UTP3: variants seen among roughly 807,000 people sequenced by gnomAD.
UTP3 encodes something about silencing protein 10.
Under a neutral mutation model 37.9 loss-of-function variants are expected in UTP3, and 19 were observed. That is an observed-to-expected ratio of 0.50 (90% CI 0.35 to 0.74). The LOEUF is 0.74. Among genes scored for constraint, UTP3 ranks in the 30% least tolerant of loss-of-function variants. The pLI is 0.01. For synonymous variants in UTP3, 242 were observed against 218.5 expected, an observed-to-expected ratio of 1.11 and a Z score of -0.95; for missense variants, 504 against 570.7, an observed-to-expected ratio of 0.88 and a Z score of 1.19.
At position 70,689,474 on chromosome 4, in the gene UTP3, G is replaced by A. The variant is rs759280455; in HGVS notation, c.797G>A (p.Arg266Lys). 1.9e-6 allele frequency: 3 copies of A among 1,614,158 alleles called. No individual in the cohort carries two copies. Among genetic ancestry groups the A allele is most frequent in the Non-Finnish European group, 2.5e-6 (3 of 1,180,020 alleles). ...CCCGGAAAAGGAAGCCAATACTTGA[G>A]GACCAAGTACAACCTCTACTTGAAT... ...IPPGKGSQYLRTKYNLYLNYC... is the reference protein window; with the variant it reads ...IPPGKGSQYLKTKYNLYLNYC... The change falls in exon 1 of 1, where the codon AGG (arginine) becomes AAG (lysine). Residue 266 changes from arginine (R) to lysine (K), a missense_variant. Arg to Lys is a conservative substitution (Grantham distance 26, BLOSUM62 2). Coordinates refer to ENST00000254803, the MANE Select transcript of UTP3 (RefSeq NM_020368.3).
In UTP3 at chr4:70,688,983, G is replaced by A. The variant is rs759792100; in HGVS notation, c.306G>A (p.Glu102=). The change falls in exon 1 of 1, where the codon GAG becomes GAA. Residue 102 remains glutamate, a synonymous_variant. Coordinates refer to ENST00000254803, the MANE Select transcript of UTP3 (RefSeq NM_020368.3). ...DEDGGNAGEE[E]EEENADDDGG... ...ATGGAGGGAATGCGGGGGAGGAGGA[G>A]GAGGAGGAGAATGCCGATGATGATG... 6.3e-7 allele frequency: 1 copy of A among 1,598,020 alleles called. No individual in the cohort carries two copies. The highest frequency in any genetic ancestry group is 8.5e-7 in the Non-Finnish European group (1 of 1,170,730).
rs746663883 is a variant in UTP3 at position 70,688,911 on chromosome 4, G to A, written c.234G>A (p.Glu78=). 3 of 1,613,408 alleles carry A rather than the reference G, an allele frequency of 1.9e-6. No homozygotes were observed. The highest frequency in any genetic ancestry group is 3.3e-5 in the Admixed American group (2 of 59,944). The part of the protein sequence containing the change: ...QSGDEEDGEE[E]EEEVLALDMD... Reference sequence around the variant, plus strand: ...GAGACGAGGAGGATGGCGAGGAGGAGGAGGAGGAGGTGCTAGCCCTAGATA... The same window carrying A: ...GAGACGAGGAGGATGGCGAGGAGGAAGAGGAGGAGGTGCTAGCCCTAGATA... Residue 78 remains glutamate (E), a synonymous_variant, in exon 1 of 1, where the codon GAG becomes GAA. Coordinates refer to ENST00000254803, the MANE Select transcript of UTP3 (RefSeq NM_020368.3).
chr4:70,689,068 C>A lies in UTP3; in HGVS notation c.391C>A (p.Gln131Lys). The A allele has an allele frequency of 6.3e-7, 1 of 1,598,790 alleles. No homozygotes were observed. Among genetic ancestry groups the A allele is most frequent in the Non-Finnish European group, 8.5e-7 (1 of 1,172,138 alleles). Residue 131 changes from glutamine to lysine, a missense_variant, in exon 1 of 1, where the codon CAG becomes AAG. Transcript: ENST00000254803. The part of the protein sequence containing the change: ...ASVDPSLSWG[Q>K]RKKLYYDTDY... The stretch of plus-strand genomic sequence containing the variant: ...TGTGGATCCCAGTTTGTCGTGGGGT[C>A]AGAGGAAAAAACTTTACTATGACAC...
In UTP3 at chr4:70,688,546, A is replaced by T. The variant is rs1439961028; in HGVS notation, c.-132A>T. ...GAGGAAATTCCAGTAGCCGATCAGG[A>T]GTCTGCAAACTCCGGTGGTAGGGGA... On this transcript the variant is annotated 5_prime_UTR_variant, in exon 1 of 1. Transcript: ENST00000254803. 5.8e-6 allele frequency: 5 copies of T among 863,970 alleles called. No homozygotes were observed. The Admixed American group carries it at 1.4e-4, about 24-fold the overall frequency. The allele number at this position is 863,970 out of a possible 1,614,324, so 53.5% of individuals were successfully genotyped here. A position where few individuals can be genotyped will look rare whatever the true frequency, so the allele number is the denominator to read the frequency against.
At position 70,689,305 on chromosome 4, in the gene UTP3, G is replaced by C; in HGVS notation, c.628G>C (p.Val210Leu). The change falls in exon 1 of 1, where the codon GTT (valine) becomes CTT (leucine). Residue 210 changes from valine (V) to leucine (L), a missense_variant. Val to Leu is a conservative substitution (Grantham distance 32, BLOSUM62 1). Transcript: ENST00000254803. Reference protein sequence around the residue: ...ETRVVKDLAKVSVKEKLKMLR... With the variant: ...ETRVVKDLAKLSVKEKLKMLR... Reference sequence around the variant, plus strand: ...ACGGGTCGTGAAGGATTTGGCTAAAGTTTCAGTGAAAGAGAAGCTGAAAAT... The same window carrying C: ...ACGGGTCGTGAAGGATTTGGCTAAACTTTCAGTGAAAGAGAAGCTGAAAAT... 1 of 1,614,196 alleles carries C rather than the reference G, an allele frequency of 6.2e-7. No individual in the cohort carries two copies.
Position 70,689,228 on chromosome 4 carries a change from C to T in UTP3, c.551C>T (p.Ala184Val). 2 of 1,614,098 alleles carry T rather than the reference C, an allele frequency of 1.2e-6. No homozygotes were observed. Among genetic ancestry groups the T allele is most frequent in the Admixed American group, 3.3e-5 (2 of 60,012 alleles). ...QALQEDDFGVAWVEAFAKPVP... is the reference protein window; with the variant it reads ...QALQEDDFGVVWVEAFAKPVP... The stretch of plus-strand genomic sequence containing the variant: ...CTGCAAGAGGATGATTTTGGTGTCG[C>T]CTGGGTTGAGGCCTTTGCAAAACCA... Residue 184 changes from alanine to valine, a missense_variant, in exon 1 of 1, where the codon GCC (alanine) becomes GTC (valine). Ala to Val is a moderately conservative substitution (Grantham distance 64, BLOSUM62 0). Transcript: ENST00000254803.
rs761462360 is a variant in UTP3, at chr4:70,688,658, A to G, written c.-20A>G. 2.5e-6 allele frequency: 4 copies of G among 1,603,414 alleles called. No individual in the cohort carries two copies. The African/African-American group carries it at 5.4e-5, about 21-fold the overall frequency. ...GTGGCCGAAAGTCCGGAGTCGCTGT[A>G]AAACCTGAGATTGTGAGCCATGGTG... On this transcript the variant is annotated 5_prime_UTR_variant, in exon 1 of 1. Transcript: ENST00000254803.
chr4:70,689,050 C>A lies in UTP3; in HGVS notation c.373C>A (p.Pro125Thr). The A allele has an allele frequency of 6.3e-7, 1 of 1,589,970 alleles. No homozygotes were observed. Among genetic ancestry groups the A allele is most frequent in the Non-Finnish European group, 8.6e-7 (1 of 1,167,270 alleles). Residue 125 changes from proline to threonine, a missense_variant, in exon 1 of 1, where the codon CCC (proline) becomes ACC (threonine). Physicochemically the swap from Pro to Thr is conservative, Grantham distance 38 (BLOSUM62 -1). Coordinates refer to ENST00000254803, the MANE Select transcript of UTP3 (RefSeq NM_020368.3). The stretch of plus-strand genomic sequence containing the variant: ...AAGTGAAGCTGAGGCCTCTGTGGAT[C>A]CCAGTTTGTCGTGGGGTCAGAGGAA... ...VQSEAEASVDPSLSWGQRKKL... is the reference protein window; with the variant it reads ...VQSEAEASVDTSLSWGQRKKL...
At position 70,690,291 on chromosome 4, in the gene UTP3, T is replaced by C; in HGVS notation, c.*174T>C. The C allele has an allele frequency of 1.7e-6, 1 of 587,878 alleles. No homozygotes were observed. Among genetic ancestry groups the C allele is most frequent in the Non-Finnish European group, 2.6e-6 (1 of 385,866 alleles). The allele number at this position is 587,878 out of a possible 1,614,324, so 36.4% of individuals were successfully genotyped here. ...AACTATGGGAGCAATATGAAGGTGCTTGAGAAAAGAGATGATGTTGAAGTT... is the reference window on the plus strand; with the variant it reads ...AACTATGGGAGCAATATGAAGGTGCCTGAGAAAAGAGATGATGTTGAAGTT... On this transcript the variant is annotated 3_prime_UTR_variant, in exon 1 of 1. Coordinates refer to ENST00000254803, the MANE Select transcript of UTP3 (RefSeq NM_020368.3).
rs1468131459 is a variant in UTP3, at chr4:70,688,593, C to G, written c.-85C>G. The stretch of plus-strand genomic sequence containing the variant: ...GGGAGCGCGCTGCTGTTTAGAGCCA[C>G]GAGTTACCGGAGCGCCTGATTCCTG... On this transcript the variant is annotated 5_prime_UTR_variant, in exon 1 of 1. Coordinates refer to ENST00000254803, the MANE Select transcript of UTP3 (RefSeq NM_020368.3). 4.3e-6 allele frequency: 6 copies of G among 1,399,438 alleles called. No individual in the cohort carries two copies. The East Asian group carries it at 9.9e-5, about 23-fold the overall frequency. 86.7% of individuals were successfully genotyped at this position (1,399,438 alleles called of 1,614,324 possible).
At position 70,690,017 on chromosome 4, in the gene UTP3, G is replaced by T. The variant is rs756674563; in HGVS notation, c.1340G>T (p.Arg447Ile). The T allele has an allele frequency of 5.6e-6, 9 of 1,614,126 alleles. No homozygotes were observed. The highest frequency in any genetic ancestry group is 5.9e-6 in the Non-Finnish European group (7 of 1,180,022). ...REKFRRAKIR[R>I]RGQVREVRKE... ...AAGTTCAGAAGAGCCAAAATTAGAAGAAGAGGCCAGGTTCGTGAAGTTCGT... is the reference window on the plus strand; with the variant it reads ...AAGTTCAGAAGAGCCAAAATTAGAATAAGAGGCCAGGTTCGTGAAGTTCGT... Residue 447 changes from arginine to isoleucine, a missense_variant, in exon 1 of 1, where the codon AGA becomes ATA. Coordinates refer to ENST00000254803, the MANE Select transcript of UTP3 (RefSeq NM_020368.3).
rs867813044 is a variant in UTP3 at position 70,688,609 on chromosome 4, C to G, written c.-69C>G. The G allele has an allele frequency of 1.3e-6, 2 of 1,493,478 alleles. No homozygotes were observed. Among genetic ancestry groups the G allele is most frequent in the Non-Finnish European group, 1.8e-6 (2 of 1,112,998 alleles). The allele number at this position is 1,493,478 out of a possible 1,614,324, so 92.5% of individuals were successfully genotyped here. A position where few individuals can be genotyped will look rare whatever the true frequency, so the allele number is the denominator to read the frequency against. Reference sequence around the variant, plus strand: ...TTAGAGCCACGAGTTACCGGAGCGCCTGATTCCTGCGCCGAAGTCAGTGGT... The same window carrying G: ...TTAGAGCCACGAGTTACCGGAGCGCGTGATTCCTGCGCCGAAGTCAGTGGT... On this transcript the variant is annotated 5_prime_UTR_variant, in exon 1 of 1. Coordinates refer to ENST00000254803, the MANE Select transcript of UTP3 (RefSeq NM_020368.3).
In UTP3 at chr4:70,689,265, A is replaced by G; in HGVS notation, c.588A>G (p.Val196=). The part of the protein sequence containing the change: ...VEAFAKPVPQ[V]DEAETRVVKD... ...CCTTTGCAAAACCAGTGCCTCAGGT[A>G]GATGAGGCTGAGACACGGGTCGTGA... Residue 196 remains valine, a synonymous_variant, in exon 1 of 1, where the codon GTA becomes GTG. Transcript: ENST00000254803. 6.2e-7 allele frequency: 1 copy of G among 1,614,246 alleles called. No homozygotes were observed. The highest frequency in any genetic ancestry group is 1.3e-5 in the African/African-American group (1 of 75,068).
In UTP3 at chr4:70,688,865, G is replaced by A; in HGVS notation, c.188G>A (p.Gly63Asp). 1.2e-6 allele frequency: 2 copies of A among 1,614,160 alleles called. No homozygotes were observed. The highest frequency in any genetic ancestry group is 2.2e-5 in the South Asian group (2 of 91,080). ...EARSRAALAKGWNEVQSGDEE... is the reference protein window; with the variant it reads ...EARSRAALAKDWNEVQSGDEE... Reference sequence around the variant, plus strand: ...CGATCCCGGGCCGCCTTAGCTAAGGGCTGGAATGAAGTACAGAGTGGAGAC... The same window carrying A: ...CGATCCCGGGCCGCCTTAGCTAAGGACTGGAATGAAGTACAGAGTGGAGAC... Residue 63 changes from glycine (G) to aspartate (D), a missense_variant, in exon 1 of 1, where the codon GGC becomes GAC. Transcript: ENST00000254803.
rs757335834 is a variant in UTP3, at chr4:70,689,752, T to G, written c.1075T>G (p.Cys359Gly). 1 of 1,614,190 alleles carries G rather than the reference T, an allele frequency of 6.2e-7. No individual in the cohort carries two copies. The highest frequency in any genetic ancestry group is 8.5e-7 in the Non-Finnish European group (1 of 1,180,036). Residue 359 changes from cysteine (C) to glycine (G), a missense_variant, in exon 1 of 1, where the codon TGT becomes GGT. Cys to Gly is a radical substitution (Grantham distance 159, BLOSUM62 -3). Coordinates refer to ENST00000254803, the MANE Select transcript of UTP3 (RefSeq NM_020368.3). Reference protein sequence around the residue: ...KSVSKTSAAACAVTDLSDDSD... With the variant: ...KSVSKTSAAAGAVTDLSDDSD... Reference sequence around the variant, plus strand: ...TGTTTCAAAGACTTCTGCTGCTGCCTGTGCTGTTACAGATCTTTCTGATGA... The same window carrying G: ...TGTTTCAAAGACTTCTGCTGCTGCCGGTGCTGTTACAGATCTTTCTGATGA...
Position 70,689,153 on chromosome 4 carries a change from G to A in UTP3, c.476G>A (p.Arg159Lys), listed in dbSNP as rs75530615. Residue 159 changes from arginine to lysine, a missense_variant, in exon 1 of 1, where the codon AGA becomes AAA. Arg to Lys is a conservative substitution (Grantham distance 26). Coordinates refer to ENST00000254803, the MANE Select transcript of UTP3 (RefSeq NM_020368.3). ...CAACAGGAGGCAGAGGAGGAGGAAA[G>A]AGAGGAGGAGGAGGAGGCACAGATC... ...QSQQEAEEEEREEEEEAQIIQ... is the reference protein window; with the variant it reads ...QSQQEAEEEEKEEEEEAQIIQ... The A allele has an allele frequency of 1.6e-3, 2,623 of 1,613,662 alleles. 42 individuals are homozygous for A. The African/African-American group carries it at 0.032, about 19-fold the overall frequency.
rs777648944 is a variant in UTP3 at position 70,690,096 on chromosome 4, A to G, written c.1419A>G (p.Lys473=). The part of the protein sequence containing the change: ...GELSGIRAGV[K]KSIKLK ...TATCTGGCATTCGTGCAGGAGTTAA[A>G]AAGAGCATTAAGCTTAAATGAAGTT... Residue 473 remains lysine, a synonymous_variant, in exon 1 of 1, where the codon AAA becomes AAG. Coordinates refer to ENST00000254803, the MANE Select transcript of UTP3 (RefSeq NM_020368.3). 2 of 1,601,920 alleles carry G rather than the reference A, an allele frequency of 1.2e-6. No homozygotes were observed. Among genetic ancestry groups the G allele is most frequent in the South Asian group, 2.3e-5 (2 of 88,748 alleles).
Position 70,690,390 on chromosome 4 carries a change from T to TA in UTP3, c.*276dup, listed in dbSNP as rs1739595666. 2 of 241,188 alleles carry TA rather than the reference T, an allele frequency of 8.3e-6. No individual in the cohort carries two copies. Among genetic ancestry groups the TA allele is most frequent in the South Asian group, 3.0e-4 (2 of 6,582 alleles). 14.9% of individuals were successfully genotyped at this position (241,188 alleles called of 1,614,324 possible). ...AATTTCACAGTTCATTGTGGAGTGT[T>TA]AAACTTAGAACATGTGTAACTTTTC... On this transcript the variant is annotated 3_prime_UTR_variant, in exon 1 of 1. Coordinates refer to ENST00000254803, the MANE Select transcript of UTP3 (RefSeq NM_020368.3).
rs754997801 is a variant in UTP3 at position 70,689,123 on chromosome 4, A to C, written c.446A>C (p.Gln149Pro). 21 of 1,613,828 alleles carry C rather than the reference A, an allele frequency of 1.3e-5. No homozygotes were observed. The South Asian group carries it at 2.2e-4, about 17-fold the overall frequency. The change falls in exon 1 of 1, where the codon CAG (glutamine) becomes CCG (proline). Residue 149 changes from glutamine (Q) to proline (P), a missense_variant. Gln to Pro is a moderately conservative substitution (Grantham distance 76). Coordinates refer to ENST00000254803, the MANE Select transcript of UTP3 (RefSeq NM_020368.3). Reference sequence around the variant, plus strand: ...TATGGTTCCAAGTCCCGAGGCCGGCAGAGTCAACAGGAGGCAGAGGAGGAG... The same window carrying C: ...TATGGTTCCAAGTCCCGAGGCCGGCCGAGTCAACAGGAGGCAGAGGAGGAG... ...TDYGSKSRGR[Q>P]SQQEAEEEER... is the part of the protein sequence containing the mutation.
Sources: allele counts gnomAD v4.1 joint callset, GRCh38; gene constraint gnomAD v4.1.1; transcripts MANE v1.5; gene names NCBI Gene and HGNC (gene_info 2026-07-23, HGNC 2026-07-21).